The following MAP4K4 variants were observed in gnomAD, a reference collection of about 807,000 sequenced individuals.
MAP4K4 encodes the protein mitogen-activated protein kinase kinase kinase kinase 4.
MAP4K4 carries 38 observed loss-of-function variants against 189.6 expected under a neutral mutation model. The observed-to-expected ratio is 0.20, with a 90% CI of 0.15 to 0.26. MAP4K4 has a LOEUF of 0.26. Among genes scored for constraint, MAP4K4 ranks in the 10% least tolerant of loss-of-function variants. MAP4K4 has a pLI of 1.00. For missense variants in MAP4K4, 1,054 were observed against 1,726.9 expected, an observed-to-expected ratio of 0.61 and a Z score of 6.91; for synonymous variants, 610 against 624.3, an observed-to-expected ratio of 0.98 and a Z score of 0.34.
At chr2:101,753,094 A>G (rs2070083474) in intron 2 of MAP4K4, among the ~76,000 whole-genome samples, 1 of 152,208 alleles carries the variant, frequency 6.6e-6, no homozygotes, top group Non-Finnish European at 1.5e-5. Flanking sequence ...TATCTCATTT[A>G]ATCTCTCAAA....
At chr2:101,859,757 C>CCGCAGCACT in exon 15 of MAP4K4, 1 of 1,611,102 alleles carries the variant, frequency 6.2e-7, no homozygotes, top group Admixed American at 1.7e-5. Flanking sequence ...GAGGCCGCAC[C>CCGCAGCACT]CGCAGCACTC....
At chr2:101,887,364 T>A (rs957092388) in intron 30 of MAP4K4, 127 bp downstream of exon 30, 1 of 900,776 alleles carries the variant, frequency 1.1e-6, no homozygotes, top group Non-Finnish European at 1.6e-6. Flanking sequence ...GGTGAGTATT[T>A]AAATGATACG....
At chr2:101,752,195 G>A (rs1304094601) in intron 2 of MAP4K4, among the ~76,000 whole-genome samples, 1 of 152,136 alleles carries the variant, frequency 6.6e-6, no homozygotes, top group Admixed American at 6.5e-5. Context: ...ATATTGAAAT[G>A]GAAACTTTTA....
At chr2:101,701,108 T>C (rs943023517) in intron 2 of MAP4K4, among the ~76,000 whole-genome samples, 1 of 152,018 alleles carries the variant, frequency 6.6e-6, no homozygotes, top group Admixed American at 6.5e-5. Flanking sequence ...TTTTTAAACA[T>C]AATTTCAGGT....
rs961824716 is a variant in MAP4K4, at chr2:101,760,627, A to T, written c.124-30093A>T. ...CTCCCATACACATTGAGACTTTTGT[A>T]TTTGAAGTAGATAAGATGTTCTTCT... On this transcript the variant is annotated intron_variant, in intron 2 of 32. Coordinates refer to ENST00000324219, the Ensembl canonical transcript of MAP4K4. Among the ~76,000 whole-genome samples the T allele has an allele frequency of 8.0e-4, 121 of 151,304 alleles. 1 individual carries two copies. Among genetic ancestry groups the T allele is most frequent in the African/African-American group, 2.8e-3 (116 of 41,148 alleles).
rs371344505 is a variant in MAP4K4, at chr2:101,739,679, A to G, written c.123+41141A>G. ...ACTCTGAAAACTTGTTTCCTTTACA[A>G]CTGGTAGATAGAAGAATTTCCAGTG... On this transcript the variant is annotated intron_variant, in intron 2 of 32. Coordinates refer to ENST00000324219, the Ensembl canonical transcript of MAP4K4. Among the ~76,000 whole-genome samples the G allele has an allele frequency of 1.8e-4, 27 of 152,214 alleles. 2 individuals carry two copies. Among genetic ancestry groups the G allele is most frequent in the Admixed American group, 1.4e-3 (21 of 15,282 alleles).
intron 2 of MAP4K4, among the ~76,000 whole-genome samples, chr2:101,742,392 T>C (rs574904165): frequency 4.3e-4 from 65 of 152,220 alleles, no homozygotes; most frequent in Non-Finnish European, 5.3e-4. Context: ...CCTTAAGCCT[T>C]TAGAATAAAT....
At chr2:101,746,303 T>A (rs1263534053) in intron 2 of MAP4K4, among the ~76,000 whole-genome samples, 1 of 151,950 alleles carries the variant, frequency 6.6e-6, no homozygotes, top group African/African-American at 2.4e-5. Context: ...TTTTTTTTTT[T>A]TTTTAATGTA....
chr2:101,736,164 G>A (rs150137525), intron 2 of MAP4K4, among the ~76,000 whole-genome samples: 1 of 152,284 alleles, frequency 6.6e-6, no homozygotes, highest in African/African-American at 2.4e-5. Flanking sequence ...ATCCTAACTG[G>A]CCCCTACATC....
At chr2:101,749,171 T>A (rs2067223139) in intron 2 of MAP4K4, among the ~76,000 whole-genome samples, 1 of 151,230 alleles carries the variant, frequency 6.6e-6, no homozygotes, top group Non-Finnish European at 1.5e-5. Flanking sequence ...TTAAAGTTCA[T>A]ATGGAACCAA....
chr2:101,848,909 TG>T (rs1286875453), intron 12 of MAP4K4, among the ~76,000 whole-genome samples: 3 of 152,172 alleles, frequency 2.0e-5, no homozygotes, highest in Non-Finnish European at 2.9e-5. Context: ...TTGTTTTGTT[TG>T]GATGGTTCCA....
At chr2:101,856,625 T>C (rs1319164303) in intron 13 of MAP4K4, among the ~76,000 whole-genome samples, 1 of 152,196 alleles carries the variant, frequency 6.6e-6, no homozygotes, top group Non-Finnish European at 1.5e-5. Context: ...AAAACTAACA[T>C]TGATGAGTTC....
At chr2:101,767,225 A>G (rs574182215) in intron 2 of MAP4K4, among the ~76,000 whole-genome samples, 315 of 152,312 alleles carry the variant, frequency 2.1e-3, no homozygotes, top group Admixed American at 3.5e-3. Flanking sequence ...AAGTGACTCA[A>G]TCTGGTGAGA....
chr2:101,721,686 C>T (rs577294628), intron 2 of MAP4K4, among the ~76,000 whole-genome samples: 9 of 152,256 alleles, frequency 5.9e-5, no homozygotes, highest in East Asian at 1.9e-4. Context: ...CCGCCCACCT[C>T]GGCCACCCAA....
chr2:101,874,990 C>T (rs2098159779), intron 26 of MAP4K4, among the ~76,000 whole-genome samples: 1 of 152,166 alleles, frequency 6.6e-6, no homozygotes, highest in African/African-American at 2.4e-5. Flanking sequence ...AGGATTTCTT[C>T]ACAAGGCCCA....
exon 17 of MAP4K4, chr2:101,864,001 C>T: frequency 7.3e-7 from 1 of 1,367,690 alleles, no homozygotes; most frequent in Non-Finnish European, 9.8e-7. Context: ...GGCGCCTGAC[C>T]CTACCCAAAA....
chr2:101,847,098 C>A (rs1233679011), intron 12 of MAP4K4, among the ~76,000 whole-genome samples: 1 of 152,154 alleles, frequency 6.6e-6, no homozygotes, highest in African/African-American at 2.4e-5. Context: ...ATAAGATTAT[C>A]ATGGAGCTGA....
intron 12 of MAP4K4, among the ~76,000 whole-genome samples, chr2:101,851,724 CTTTTTTTTTTTTT>C (rs36217584): frequency 2.5e-3 from 168 of 67,914 alleles, no homozygotes; most frequent in East Asian, 0.01. Context: ...TAACTGTCCT[CTTTTTTTTTTTTT>C]TTTTTTTTTT....
At chr2:101,867,798 G>A (rs1421955859) in intron 20 of MAP4K4, 4 of 501,464 alleles carry the variant, frequency 8.0e-6, no homozygotes, top group Non-Finnish European at 1.1e-5. Flanking sequence ...TTGGTACCTG[G>A]GGTGATAGTT....
Sources: allele counts gnomAD v4.1 joint callset (sites outside exome capture counted in the v4.1 genomes callset), GRCh38; gene constraint gnomAD v4.1.1; transcripts MANE v1.5; gene names NCBI Gene and HGNC (gene_info 2026-07-23, HGNC 2026-07-21).